The following NCAM1 variants were observed in gnomAD, a reference collection of about 807,000 sequenced individuals.
NCAM1 encodes the protein antigen recognized by monoclonal antibody 5.1H11.
Under a neutral mutation model 109.8 loss-of-function variants are expected in NCAM1, and 14 were observed. The observed-to-expected ratio is 0.13, with a 90% CI of 0.08 to 0.20. NCAM1 has a LOEUF of 0.20. Among genes scored for constraint, NCAM1 ranks in the 10% least tolerant of loss-of-function variants. NCAM1 has a pLI of 1.00. For missense variants in NCAM1, 774 were observed against 1,109.9 expected (o/e 0.70, Z 4.30); for synonymous variants, 418 against 442.9 (o/e 0.94, Z 0.70).
chr11:113,207,968 C>T lies in NCAM1; in HGVS notation c.882C>T (p.Gly294=). ...EYICIAENKA[G]EQDATIHLKV... ...TCTGCATTGCTGAGAACAAGGCTGG[C>T]GAGCAGGATGCGACCATCCACCTCA... Residue 294 remains glycine, a synonymous_variant, in exon 7 of 20, where the codon GGC becomes GGT. Transcript: ENST00000316851. The T allele has an allele frequency of 6.2e-7, 1 of 1,611,404 alleles. No homozygotes were observed. Among genetic ancestry groups the T allele is most frequent in the Non-Finnish European group, 8.5e-7 (1 of 1,178,930 alleles).
In NCAM1 at chr11:113,232,725, C is replaced by T. The variant is rs1945047475; in HGVS notation, c.1433C>T (p.Pro478Leu). The change falls in exon 12 of 20, where the codon CCA (proline) becomes CTA (leucine). Residue 478 changes from proline (P) to leucine (L), a missense_variant. This residue lies in a region of NCAM1 where 523 missense variants were observed against 784.2 expected (regional missense o/e 0.67). Coordinates refer to ENST00000316851, the MANE Select transcript of NCAM1 (RefSeq NM_181351.5). ...TPSASYLEVT[P>L]DSENDFGNYN... The stretch of plus-strand genomic sequence containing the variant: ...AGCTTCTTCCTTCTAAAGGTGACCC[C>T]AGACTCTGAGAATGATTTTGGGAAC... The T allele has an allele frequency of 6.2e-7, 1 of 1,613,444 alleles. No homozygotes were observed. Among genetic ancestry groups the T allele is most frequent in the Admixed American group, 1.7e-5 (1 of 60,022 alleles).
At chr11:112,969,722 T>A (rs1218012072) in intron 1 of NCAM1, among the ~76,000 whole-genome samples, 1 of 152,222 alleles carries the variant, frequency 6.6e-6, no homozygotes, top group Admixed American at 6.5e-5. Context: ...TTGAAATGTT[T>A]GTTTAAAAAG....
chr11:113,176,499 AG>A (rs1368191042), intron 1 of NCAM1, among the ~76,000 whole-genome samples: 8 of 152,230 alleles, frequency 5.3e-5, no homozygotes, highest in Admixed American at 2.0e-4. Context: ...GATTAGGTGA[AG>A]GTCCACTTGA....
At chr11:113,249,931 T>A (rs987064613) in intron 15 of NCAM1, among the ~76,000 whole-genome samples, 10 of 152,154 alleles carry the variant, frequency 6.6e-5, no homozygotes, top group Admixed American at 6.5e-4. Context: ...ACAGACCAGA[T>A]GCCTTAGTGA....
intron 18 of NCAM1, among the ~76,000 whole-genome samples, chr11:113,270,836 T>C (rs1946251465): frequency 6.6e-6 from 1 of 152,146 alleles, no homozygotes; most frequent in Non-Finnish European, 1.5e-5. Flanking sequence ...CCCAGGCACA[T>C]AGGTACAACA....
At chr11:113,113,489 C>A (rs148306999) in intron 1 of NCAM1, among the ~76,000 whole-genome samples, 1 of 152,228 alleles carries the variant, frequency 6.6e-6, no homozygotes, top group African/African-American at 2.4e-5. Flanking sequence ...TTAAAATAAA[C>A]CTGCAGTATT....
chr11:113,243,434 T>C (rs1391725979), intron 14 of NCAM1: 6 of 377,998 alleles, frequency 1.6e-5, no homozygotes, highest in Non-Finnish European at 3.2e-5. Flanking sequence ...AGAAAAATGA[T>C]GGGCAGAAAA....
intron 1 of NCAM1, among the ~76,000 whole-genome samples, chr11:113,188,852 T>C (rs958751758): frequency 1.3e-5 from 2 of 151,974 alleles, no homozygotes; most frequent in Non-Finnish European, 2.9e-5. Context: ...TGTGTGTGTC[T>C]CCCTGTGTGT....
chr11:113,212,621 C>A (rs113806703), intron 7 of NCAM1, among the ~76,000 whole-genome samples: 4 of 152,140 alleles, frequency 2.6e-5, no homozygotes, highest in Admixed American at 1.3e-4. Context: ...TTGAGTTTAG[C>A]GAATTCAGTT....
chr11:113,041,782 C>A (rs1415232816), intron 1 of NCAM1, among the ~76,000 whole-genome samples: 3 of 152,130 alleles, frequency 2.0e-5, no homozygotes, highest in Non-Finnish European at 4.4e-5. Flanking sequence ...TCCACTGCTC[C>A]TCCCATGGGT....
intron 1 of NCAM1, among the ~76,000 whole-genome samples, chr11:113,036,753 G>A (rs544218785): frequency 2.0e-5 from 3 of 151,756 alleles, no homozygotes; most frequent in Non-Finnish European, 4.4e-5. Flanking sequence ...CTTCTACCCC[G>A]CCCCACCTCA....
intron 14 of NCAM1, among the ~76,000 whole-genome samples, chr11:113,238,690 C>T (rs149046480): frequency 2.0e-5 from 3 of 152,344 alleles, no homozygotes; most frequent in African/African-American, 7.2e-5. Flanking sequence ...TAGCTGTGTG[C>T]TTGCACTGAG....
At position 113,154,347 on chromosome 11, in the gene NCAM1, C is replaced by T. The variant is rs902961257; in HGVS notation, c.53-48032C>T. Among the ~76,000 whole-genome samples the T allele has an allele frequency of 2.6e-5, 4 of 152,072 alleles. No individual in the cohort carries two copies. The South Asian group carries it at 8.3e-4, about 32-fold the overall frequency. ...GGTTGAGGACAGATGTGGGGTTTTTCAAGATGTGAGTCTTGAGCATGTCGA... is the reference window on the plus strand; with the variant it reads ...GGTTGAGGACAGATGTGGGGTTTTTTAAGATGTGAGTCTTGAGCATGTCGA... On this transcript the variant is annotated intron_variant, in intron 1 of 19. Transcript: ENST00000316851.
intron 1 of NCAM1, among the ~76,000 whole-genome samples, chr11:112,973,606 GTTTA>G (rs1389037517): frequency 2.6e-5 from 4 of 152,068 alleles, no homozygotes; most frequent in African/African-American, 9.7e-5. Context: ...CCAACGGTCA[GTTTA>G]TTTATCTGTG....
intron 17 of NCAM1, among the ~76,000 whole-genome samples, chr11:113,266,971 C>T (rs782058337): frequency 1.3e-5 from 2 of 152,166 alleles, no homozygotes; most frequent in Non-Finnish European, 2.9e-5. Context: ...TACAGCGTCC[C>T]TGCCAAGGGG....
intron 9 of NCAM1, among the ~76,000 whole-genome samples, chr11:113,225,722 A>G (rs972972809): frequency 6.6e-6 from 1 of 152,254 alleles, no homozygotes; most frequent in East Asian, 1.9e-4. Context: ...CATCAGACTA[A>G]TAGCTGATCG....
chr11:113,227,308 A>G (rs1944880706), intron 9 of NCAM1, among the ~76,000 whole-genome samples: 1 of 151,978 alleles, frequency 6.6e-6, no homozygotes, highest in African/African-American at 2.4e-5. Context: ...AAACACCTCT[A>G]TGCAAATAAA....
chr11:113,014,098 T>G (rs1012191785), intron 1 of NCAM1, among the ~76,000 whole-genome samples: 17 of 152,258 alleles, frequency 1.1e-4, no homozygotes, highest in African/African-American at 4.1e-4. Flanking sequence ...TTTTGTAACT[T>G]TATGTATTAA....
At chr11:113,239,482 T>C (rs918048027) in intron 14 of NCAM1, among the ~76,000 whole-genome samples, 2 of 149,494 alleles carry the variant, frequency 1.3e-5, no homozygotes, top group Non-Finnish European at 3.0e-5. Context: ...AATATAGAGA[T>C]TATGAATGAG....
Sources: allele counts gnomAD v4.1 joint callset (sites outside exome capture counted in the v4.1 genomes callset), GRCh38; gene constraint gnomAD v4.1.1; regional missense constraint gnomAD v4.1.1; transcripts MANE v1.5; gene names NCBI Gene and HGNC (gene_info 2026-07-23, HGNC 2026-07-21).